MED12L: variants seen among roughly 807,000 people sequenced by gnomAD.
MED12L encodes mediator complex subunit 12L.
MED12L carries 60 observed loss-of-function variants against 281.3 expected under a neutral mutation model. The ratio of observed to expected loss-of-function variants is 0.21; its 90% CI spans 0.17 to 0.26. The LOEUF is 0.26. Ranked by LOEUF, MED12L falls within the 10% of genes least tolerant of loss-of-function variation. MED12L has a pLI of 1.00. For missense variants in MED12L, 2,146 were observed against 2,680.9 expected (o/e 0.80, Z 4.41); for synonymous variants, 974 against 987.2 (o/e 0.99, Z 0.25).
intron 16 of MED12L, among the ~76,000 whole-genome samples, chr3:151,256,318 C>T (rs1196130613): frequency 2.0e-5 from 3 of 152,108 alleles, no homozygotes; most frequent in Non-Finnish European, 4.4e-5. Context: ...GAGTGCTTCT[C>T]GGAGCTTTAC....
chr3:151,394,930 G>A (rs1714766490), intron 39 of MED12L, 63 bp downstream of exon 39: 1 of 1,604,360 alleles, frequency 6.2e-7, no homozygotes, highest in Admixed American at 1.7e-5. Flanking sequence ...CTTGGGATAA[G>A]TTTGGGATAT....
At chr3:151,276,068 C>T (rs1191742052) in intron 16 of MED12L, among the ~76,000 whole-genome samples, 1 of 152,190 alleles carries the variant, frequency 6.6e-6, no homozygotes, top group Non-Finnish European at 1.5e-5. Context: ...CAATCAAGGA[C>T]ACTTTTGAGA....
chr3:151,358,838 A>G (rs1273243598), intron 20 of MED12L, among the ~76,000 whole-genome samples: 1 of 152,212 alleles, frequency 6.6e-6, no homozygotes, highest in East Asian at 1.9e-4. Flanking sequence ...AACACTGACT[A>G]CTATACGATG....
At position 151,407,438 on chromosome 3, in the gene MED12L, T is replaced by G. The variant is rs1349213355; in HGVS notation, c.5821-1805T>G. On this transcript the variant is annotated intron_variant, in intron 39 of 44. Coordinates refer to ENST00000687756, the MANE Select transcript of MED12L (RefSeq NM_001393769.1). Reference sequence around the variant, plus strand: ...TTTTGTAAAAATGGTAATATACATATATTTGTCTCTACAAAGAAGCACAAC... The same window carrying G: ...TTTTGTAAAAATGGTAATATACATAGATTTGTCTCTACAAAGAAGCACAAC... Among the ~76,000 whole-genome samples, 4 of 152,324 alleles carry G rather than the reference T, an allele frequency of 2.6e-5. No homozygotes were observed. The East Asian group carries it at 7.7e-4, about 29-fold the overall frequency.
intron 43 of MED12L, among the ~76,000 whole-genome samples, chr3:151,416,939 T>C (rs1468826657): frequency 6.6e-6 from 1 of 152,222 alleles, no homozygotes; most frequent in Non-Finnish European, 1.5e-5. Context: ...GGAAATGTCA[T>C]ATGCATAGCC....
chr3:151,182,602 G>A, intron 11 of MED12L, among the ~76,000 whole-genome samples: 1 of 152,264 alleles, frequency 6.6e-6, no homozygotes, highest in Non-Finnish European at 1.5e-5. Context: ...TGCCAACACT[G>A]AGGCCCGAGG....
intron 16 of MED12L, chr3:151,338,580 G>T: frequency 6.2e-7 from 1 of 1,614,030 alleles, no homozygotes; most frequent in Non-Finnish European, 8.5e-7. Flanking sequence ...CAGTGGTCCT[G>T]TTCCCAGTTT....
chr3:151,349,852 C>CTTTT (rs112308445), intron 16 of MED12L, among the ~76,000 whole-genome samples: 10 of 139,690 alleles, frequency 7.2e-5, no homozygotes, highest in African/African-American at 2.7e-4. Context: ...TCAGTTGACA[C>CTTTT]TTTTTTTTTT....
At chr3:151,271,018 A>T in intron 16 of MED12L, among the ~76,000 whole-genome samples, 1 of 62,138 alleles carries the variant, frequency 1.6e-5, no homozygotes, top group Admixed American at 2.0e-4. Context: ...CCCAAAAACC[A>T]AAAAAAAAAA....
intron 43 of MED12L, among the ~76,000 whole-genome samples, chr3:151,429,622 C>A (rs1258159011): frequency 6.6e-6 from 1 of 152,198 alleles, no homozygotes; most frequent in Non-Finnish European, 1.5e-5. Context: ...ACCACAATTT[C>A]TTGCATCAAC....
At chr3:151,402,990 G>C (rs1201097759) in intron 39 of MED12L, among the ~76,000 whole-genome samples, 1 of 150,944 alleles carries the variant, frequency 6.6e-6, no homozygotes, top group Non-Finnish European at 1.5e-5. Context: ...TAACACCCCT[G>C]CTGTCATTCC....
intron 16 of MED12L, among the ~76,000 whole-genome samples, chr3:151,250,566 G>A (rs146775200): frequency 6.4e-4 from 98 of 152,272 alleles, no homozygotes; most frequent in Admixed American, 1.0e-3. Context: ...TTAGCATAAT[G>A]TCTTTAAGGT....
At chr3:151,367,915 A>C (rs530157135) in intron 24 of MED12L, 149 bp downstream of exon 24, 1 of 1,005,800 alleles carries the variant, frequency 9.9e-7, no homozygotes, top group Non-Finnish European at 1.5e-6. Context: ...GAATTTTAAT[A>C]GTTATTTTAT....
At chr3:151,113,489 A>G (rs1200012262) in intron 2 of MED12L, among the ~76,000 whole-genome samples, 1 of 152,174 alleles carries the variant, frequency 6.6e-6, no homozygotes, top group East Asian at 1.9e-4. Context: ...AGTTTTAAAA[A>G]GCTCCCTATG....
intron 16 of MED12L, chr3:151,338,913 T>C (rs138811723): frequency 3.3e-6 from 5 of 1,513,290 alleles, no homozygotes; most frequent in Non-Finnish European, 4.6e-6. Context: ...TTATTATTGC[T>C]GTTATCTCTG....
At chr3:151,154,807 T>C (rs977650640) in intron 5 of MED12L, among the ~76,000 whole-genome samples, 19 of 152,348 alleles carry the variant, frequency 1.2e-4, no homozygotes, top group Non-Finnish European at 1.2e-4. Flanking sequence ...CAGAAGAACA[T>C]GATGACATAG....
intron 16 of MED12L, among the ~76,000 whole-genome samples, chr3:151,209,463 G>T (rs764235172): frequency 1.3e-5 from 2 of 152,038 alleles, no homozygotes; most frequent in Non-Finnish European, 2.9e-5. Context: ...TTTTTTGACG[G>T]GCATGTCTTG....
At chr3:151,305,561 G>A (rs1396343002) in intron 16 of MED12L, among the ~76,000 whole-genome samples, 4 of 152,030 alleles carry the variant, frequency 2.6e-5, no homozygotes, top group East Asian at 1.9e-4. Context: ...TTCCACCCCC[G>A]CCAGGTAGGA....
chr3:151,207,305 A>G (rs1726512692), intron 16 of MED12L, among the ~76,000 whole-genome samples: 1 of 152,166 alleles, frequency 6.6e-6, no homozygotes, highest in African/African-American at 2.4e-5. Context: ...CTGAGCTCTT[A>G]TCCTGGAGAA....
Sources: gnomAD v4.1 joint callset for allele counts (sites outside exome capture counted in the v4.1 genomes callset) on GRCh38, gnomAD v4.1.1 for gene constraint, MANE v1.5 for transcripts, NCBI Gene and HGNC (gene_info 2026-07-23, HGNC 2026-07-21) for gene names.